TMC1: variants seen among roughly 807,000 people sequenced by gnomAD.
TMC1 encodes the protein transmembrane channel-like protein 1.
Under a neutral mutation model 105.8 loss-of-function variants are expected in TMC1, and 84 were observed. The observed-to-expected ratio is 0.79, with a 90% CI of 0.67 to 0.95. The LOEUF (loss-of-function observed/expected upper bound fraction) is 0.95. Ranked by LOEUF, TMC1 falls within the 40% of genes least tolerant of loss-of-function variation. The probability of loss-of-function intolerance (pLI) is 0.00; values close to 1 mark genes in which losing one functional copy is unlikely to be tolerated. For synonymous variants in TMC1, 315 were observed against 311.5 expected, an observed-to-expected ratio of 1.01 and a Z score of -0.12; for missense variants, 817 against 914.1, an observed-to-expected ratio of 0.89 and a Z score of 1.37.
At chr9:72,633,700 T>C (rs532984683) in intron 4 of TMC1, among the ~76,000 whole-genome samples, 1 of 152,350 alleles carries the variant, frequency 6.6e-6, no homozygotes, top group Admixed American at 6.5e-5. Flanking sequence ...AAAAATTCTC[T>C]ACATGAACCA....
At chr9:72,781,608 A>G (rs917800872) in intron 13 of TMC1, among the ~76,000 whole-genome samples, 9 of 152,178 alleles carry the variant, frequency 5.9e-5, no homozygotes, top group Non-Finnish European at 1.0e-4. Context: ...AAATAAACAC[A>G]ATCAGAAATG....
intron 8 of TMC1, among the ~76,000 whole-genome samples, chr9:72,723,708 G>T (rs1827070580): frequency 6.6e-6 from 1 of 152,050 alleles, no homozygotes; most frequent in Non-Finnish European, 1.5e-5. Context: ...TGCATGTTTT[G>T]AAAACGTTCT....
At chr9:72,600,309 C>T (rs1008675412) in intron 2 of TMC1, among the ~76,000 whole-genome samples, 1 of 152,220 alleles carries the variant, frequency 6.6e-6, no homozygotes, top group African/African-American at 2.4e-5. Context: ...TCCTGTGTCA[C>T]GTGCCTATAC....
intron 13 of TMC1, among the ~76,000 whole-genome samples, chr9:72,777,026 T>A (rs1457498369): frequency 6.6e-6 from 1 of 152,148 alleles, no homozygotes; most frequent in Non-Finnish European, 1.5e-5. Flanking sequence ...AAAATTAAAC[T>A]TATCAAAACC....
chr9:72,760,526 G>T (rs1267761246), intron 12 of TMC1, among the ~76,000 whole-genome samples: 4 of 152,048 alleles, frequency 2.6e-5, no homozygotes, highest in Non-Finnish European at 5.9e-5. Flanking sequence ...AGTTTGGGGT[G>T]TGTGTGACCT....
intron 1 of TMC1, among the ~76,000 whole-genome samples, chr9:72,537,765 G>A (rs181783047): frequency 3.3e-5 from 5 of 152,184 alleles, no homozygotes; most frequent in Non-Finnish European, 7.3e-5. Flanking sequence ...ACAAGTGGGG[G>A]CTTCCAGGTC....
chr9:72,713,141 A>G (rs2117916340), intron 8 of TMC1, among the ~76,000 whole-genome samples: 1 of 152,294 alleles, frequency 6.6e-6, no homozygotes, highest in South Asian at 2.1e-4. Context: ...ATCATGTTGG[A>G]TAAGCTTTTT....
At chr9:72,531,289 G>C (rs1254993071) in intron 1 of TMC1, among the ~76,000 whole-genome samples, 2 of 152,086 alleles carry the variant, frequency 1.3e-5, no homozygotes, top group African/African-American at 4.8e-5. Context: ...TACATTAACA[G>C]TGTCTAGTCT....
chr9:72,821,180 A>C, intron 20 of TMC1, 99 bp downstream of exon 20: 1 of 1,563,682 alleles, frequency 6.4e-7, no homozygotes, highest in Non-Finnish European at 8.8e-7. Context: ...CCCCCAAACA[A>C]TGACATTTTT....
intron 12 of TMC1, among the ~76,000 whole-genome samples, chr9:72,755,604 C>T (rs947728099): frequency 3.3e-5 from 5 of 152,008 alleles, no homozygotes; most frequent in Non-Finnish European, 4.4e-5. Flanking sequence ...TTCAAGTCTT[C>T]GACAACAATG....
chr9:72,573,391 G>T (rs527789345), intron 1 of TMC1, among the ~76,000 whole-genome samples: 25 of 152,160 alleles, frequency 1.6e-4, no homozygotes, highest in Middle Eastern at 3.2e-3. Flanking sequence ...GAGGCGGTAG[G>T]ATAAATGCAC....
intron 4 of TMC1, among the ~76,000 whole-genome samples, chr9:72,645,360 A>G (rs1452141702): frequency 1.3e-5 from 2 of 152,194 alleles, no homozygotes. Flanking sequence ...AGGTCCAGAA[A>G]GATTTCTTAA....
Position 72,788,070 on chromosome 9 carries a change from A to AAT in TMC1, c.885-266_885-265dup, listed in dbSNP as rs578244287. On this transcript the variant is annotated intron_variant, in intron 13 of 23. Transcript: ENST00000297784. Reference sequence around the variant, plus strand: ...ATCTCAGTTAAACAAAACACATAAAAATATGTTTTTATATACATGTTGAAT... The same window carrying AAT: ...ATCTCAGTTAAACAAAACACATAAAAATATATGTTTTTATATACATGTTGAAT... Among the ~76,000 whole-genome samples, 901 of 152,314 alleles carry AAT rather than the reference A, an allele frequency of 5.9e-3. 4 individuals are homozygous for AAT. The highest frequency in any genetic ancestry group is 9.3e-3 in the Non-Finnish European group (635 of 68,026).
intron 1 of TMC1, among the ~76,000 whole-genome samples, chr9:72,567,010 A>G (rs1824168839): frequency 6.6e-6 from 1 of 152,194 alleles, no homozygotes; most frequent in African/African-American, 2.4e-5. Flanking sequence ...GGTCAAGTTC[A>G]AGCTCTCTAG....
intron 2 of TMC1, among the ~76,000 whole-genome samples, chr9:72,590,453 A>G (rs998168765): frequency 2.0e-5 from 3 of 152,218 alleles, no homozygotes; most frequent in African/African-American, 7.2e-5. Context: ...ATGATCTTGA[A>G]AAACACCAGA....
At chr9:72,635,683 A>C (rs17058049) in intron 4 of TMC1, among the ~76,000 whole-genome samples, 1,576 of 152,312 alleles carry the variant, frequency 0.01, 28 homozygotes, top group African/African-American at 0.036. Flanking sequence ...TGGGAATAGG[A>C]GTTTAAAGTA....
At chr9:72,738,418 C>CT (rs112831385) in intron 8 of TMC1, among the ~76,000 whole-genome samples, 22 of 149,380 alleles carry the variant, frequency 1.5e-4, no homozygotes, top group Middle Eastern at 3.4e-3. Flanking sequence ...ACTGACCCTT[C>CT]TTTTTTTTTT....
At chr9:72,769,858 G>C (rs13298704) in intron 12 of TMC1, among the ~76,000 whole-genome samples, 28,296 of 152,120 alleles carry the variant, frequency 0.19, 2,817 homozygotes, top group African/African-American at 0.23. Flanking sequence ...GTTAAATAAA[G>C]AGTTCAGGAT....
chr9:72,745,332 C>T (rs557178068), intron 10 of TMC1, among the ~76,000 whole-genome samples: 6 of 152,218 alleles, frequency 3.9e-5, no homozygotes, highest in Non-Finnish European at 7.4e-5. Context: ...GGGTTCAAAA[C>T]GTATGCTTTT....
Sources: gnomAD v4.1 joint callset for allele counts (sites outside exome capture counted in the v4.1 genomes callset) on GRCh38, gnomAD v4.1.1 for gene constraint, MANE v1.5 for transcripts, NCBI Gene and HGNC (gene_info 2026-07-23, HGNC 2026-07-21) for gene names.